APBB2: variants seen among roughly 807,000 people sequenced by gnomAD.
APBB2 encodes the protein Fe65-like 1.
Under a neutral mutation model 82.5 loss-of-function variants are expected in APBB2, and 38 were observed. That is an observed-to-expected ratio of 0.46 (90% CI 0.36 to 0.60). The LOEUF is 0.60. Ranked by LOEUF, APBB2 falls within the 20% of genes least tolerant of loss-of-function variation. The probability of loss-of-function intolerance (pLI) is 0.00; values close to 1 mark genes in which losing one functional copy is unlikely to be tolerated. For synonymous variants in APBB2, 341 were observed against 368.2 expected, an observed-to-expected ratio of 0.93 and a Z score of 0.85; for missense variants, 772 against 972.3, an observed-to-expected ratio of 0.79 and a Z score of 2.74.
chr4:41,132,618 C>T (rs2154007662), intron 2 of APBB2, among the ~76,000 whole-genome samples: 1 of 152,340 alleles, frequency 6.6e-6, no homozygotes, highest in Admixed American at 6.5e-5. Flanking sequence ...CCTTCAAACA[C>T]ACTTCAGCAA....
intron 1 of APBB2, among the ~76,000 whole-genome samples, chr4:41,211,412 A>C (rs1359811051): frequency 6.6e-6 from 1 of 150,414 alleles, no homozygotes; most frequent in Admixed American, 6.6e-5. Context: ...GCCCCCGGAA[A>C]ACTTAAGGTG....
chr4:40,869,107 C>A (rs1257555245), intron 12 of APBB2, among the ~76,000 whole-genome samples: 2 of 152,106 alleles, frequency 1.3e-5, no homozygotes, highest in Non-Finnish European at 2.9e-5. Flanking sequence ...TGGCTCACTG[C>A]AATCTCCACC....
At chr4:40,976,278 C>A (rs1006344271) in intron 6 of APBB2, among the ~76,000 whole-genome samples, 5 of 151,808 alleles carry the variant, frequency 3.3e-5, no homozygotes, top group African/African-American at 1.2e-4. Flanking sequence ...GAATATAAGC[C>A]AAAAATCCCA....
At chr4:41,037,887 C>G (rs1719865472) in intron 4 of APBB2, among the ~76,000 whole-genome samples, 1 of 152,158 alleles carries the variant, frequency 6.6e-6, no homozygotes, top group African/African-American at 2.4e-5. Flanking sequence ...GTGCTGCATG[C>G]TAGAAATTTT....
At chr4:41,213,452 C>T (rs1468255332) in intron 1 of APBB2, among the ~76,000 whole-genome samples, 1 of 152,168 alleles carries the variant, frequency 6.6e-6, no homozygotes, top group African/African-American at 2.4e-5. Context: ...GCTCTAAAAC[C>T]GCGCAGAACT....
chr4:41,112,959 C>G (rs1449223993), intron 2 of APBB2, among the ~76,000 whole-genome samples: 1 of 151,934 alleles, frequency 6.6e-6, no homozygotes, highest in African/African-American at 2.4e-5. Context: ...GGCACTCCAA[C>G]CTGGGCGACA....
At chr4:40,908,584 C>G (rs1403676607) in intron 10 of APBB2, among the ~76,000 whole-genome samples, 1 of 152,088 alleles carries the variant, frequency 6.6e-6, no homozygotes, top group East Asian at 1.9e-4. Context: ...TGGGTGCACC[C>G]AGTAGCTACA....
chr4:40,966,016 A>C (rs1218250574), intron 6 of APBB2, among the ~76,000 whole-genome samples: 1 of 152,240 alleles, frequency 6.6e-6, no homozygotes, highest in Non-Finnish European at 1.5e-5. Context: ...CTTGAAACTA[A>C]ACACAAAGAA....
rs144506412 is a variant in APBB2 at position 41,069,490 on chromosome 4, C to T, written c.-148-3817G>A. On this transcript the variant is annotated intron_variant, in intron 3 of 17. Coordinates refer to ENST00000508593, the MANE Select transcript of APBB2 (RefSeq NM_004307.2). ...TCTCAAAAACTCTAAGACTGCTCTG[C>T]GGTTTGTCTATTCTGTTAACAGGAA... Among the ~76,000 whole-genome samples, 1,057 of 152,284 alleles carry T rather than the reference C, an allele frequency of 6.9e-3. 13 individuals are homozygous for T. Among genetic ancestry groups the T allele is most frequent in the African/African-American group, 0.022 (898 of 41,570 alleles).
At chr4:40,922,944 G>A (rs548854098) in intron 10 of APBB2, among the ~76,000 whole-genome samples, 2 of 148,770 alleles carry the variant, frequency 1.3e-5, no homozygotes, top group East Asian at 4.1e-4. Flanking sequence ...TAATTGTTCT[G>A]TAGGAAAAAC....
At position 40,814,715 on chromosome 4, in the gene APBB2, T is replaced by G. The variant is rs1338829081; in HGVS notation, c.*1377A>C. On this transcript the variant is annotated 3_prime_UTR_variant, in exon 18 of 18. Transcript: ENST00000508593. ...GAGATTGATCGCCTTAGCAACTTCC[T>G]TTTAAAACGACAATGTCAACGAGAG... is the stretch of plus-strand genomic sequence containing the variant. 6.6e-6 allele frequency: 1 copy of G among 152,204 alleles called. No homozygotes were observed. The highest frequency in any genetic ancestry group is 1.5e-5 in the Non-Finnish European group (1 of 68,030). The allele number at this position is 152,204 out of a possible 1,614,324, so 9.4% of individuals were successfully genotyped here. A position where few individuals can be genotyped will look rare whatever the true frequency, so the allele number is the denominator to read the frequency against.
At position 40,891,285 on chromosome 4, in the gene APBB2, T is replaced by C. The variant is rs564855297; in HGVS notation, c.1402-794A>G. ...CTGGTGTCCCATCTCCCCACCTGTG[T>C]TGGCTCTTTGTGGGCAGAAGCACTA... On this transcript the variant is annotated intron_variant, in intron 11 of 17. Coordinates refer to ENST00000508593, the MANE Select transcript of APBB2 (RefSeq NM_004307.2). Among the ~76,000 whole-genome samples, 6 of 152,304 alleles carry C rather than the reference T, an allele frequency of 3.9e-5. No individual in the cohort carries two copies. The South Asian group carries it at 6.2e-4, about 16-fold the overall frequency.
intron 4 of APBB2, among the ~76,000 whole-genome samples, chr4:41,057,009 A>G (rs1036872758): frequency 1.3e-5 from 2 of 152,134 alleles, no homozygotes; most frequent in Non-Finnish European, 2.9e-5. Context: ...ACTCTGGGAG[A>G]GGGGGATCAA....
At chr4:41,026,149 T>C (rs1714107793) in intron 5 of APBB2, among the ~76,000 whole-genome samples, 1 of 151,840 alleles carries the variant, frequency 6.6e-6, no homozygotes, top group South Asian at 2.1e-4. Flanking sequence ...GATAAGAACT[T>C]ACAAACACAA....
chr4:40,822,517 A>G (rs1748351941), intron 16 of APBB2: 1 of 153,416 alleles, frequency 6.5e-6, no homozygotes, highest in Non-Finnish European at 1.5e-5. Context: ...CTAAAACCAT[A>G]TAAAACAAAA....
intron 6 of APBB2, among the ~76,000 whole-genome samples, chr4:41,006,441 T>C (rs1406230956): frequency 6.6e-6 from 1 of 152,138 alleles, no homozygotes; most frequent in East Asian, 1.9e-4. Flanking sequence ...AGACTGGGCC[T>C]AGGGATTTAT....
chr4:41,187,954 C>A (rs1363674330), intron 1 of APBB2, among the ~76,000 whole-genome samples: 1 of 152,138 alleles, frequency 6.6e-6, no homozygotes, highest in Non-Finnish European at 1.5e-5. Context: ...CAAATGAGAT[C>A]CTCAATAGCA....
chr4:41,084,067 A>T (rs1008110902), intron 3 of APBB2, among the ~76,000 whole-genome samples: 3 of 152,240 alleles, frequency 2.0e-5, no homozygotes, highest in Non-Finnish European at 4.4e-5. Context: ...TTGGTAAAAA[A>T]AGTGATCATT....
chr4:40,875,217 G>A (rs911007605), intron 12 of APBB2, among the ~76,000 whole-genome samples: 9 of 152,238 alleles, frequency 5.9e-5, no homozygotes, highest in Non-Finnish European at 1.0e-4. Flanking sequence ...CAAGGACACA[G>A]ACAGAGATGG....
Sources: allele counts gnomAD v4.1 joint callset (sites outside exome capture counted in the v4.1 genomes callset), GRCh38; gene constraint gnomAD v4.1.1; transcripts MANE v1.5; gene names NCBI Gene and HGNC (gene_info 2026-07-23, HGNC 2026-07-21).